Variants in ARHGAP6 observed in about 807,000 individuals in gnomAD.
ARHGAP6 encodes Rho GTPase activating protein 6.
Under a neutral mutation model 55.7 loss-of-function variants are expected in ARHGAP6, and 16 were observed. The observed-to-expected ratio is 0.29, with a 90% CI of 0.19 to 0.44. The LOEUF (loss-of-function observed/expected upper bound fraction) is 0.44. Ranked by LOEUF, ARHGAP6 falls within the 20% of genes least tolerant of loss-of-function variation. The pLI is 1.00. For synonymous variants in ARHGAP6, 382 were observed against 360.9 expected (o/e 1.06, Z -0.66); for missense variants, 698 against 808.9 (o/e 0.86, Z 1.66).
chrX:11,473,323 T>C, intron 1 of ARHGAP6, among the ~76,000 whole-genome samples: 1 of 111,890 alleles, frequency 8.9e-6, no homozygotes, highest in Non-Finnish European at 1.9e-5. Flanking sequence ...ACGGGTTGAA[T>C]TGTGTCTCCC....
chrX:11,427,482 C>A lies in ARHGAP6; in HGVS notation c.589-172775G>T. ...GGGAGCCCCGACTACCATCGCCCCT[C>A]GCAGTCCCCACCCGGAGCGGCCCAG... On this transcript the variant is annotated intron_variant, in intron 1 of 12. Coordinates refer to ENST00000337414, the MANE Select transcript of ARHGAP6 (RefSeq NM_013427.3). 3.2e-6 allele frequency: 3 copies of A among 926,612 alleles called. No homozygotes were observed. The South Asian group carries it at 6.8e-5, about 21-fold the overall frequency. The allele number at this position is 926,612 out of a possible 1,213,427, so 76.4% of individuals were successfully genotyped here. A position where few individuals can be genotyped will look rare whatever the true frequency, so the allele number is the denominator to read the frequency against.
intron 2 of ARHGAP6, among the ~76,000 whole-genome samples, chrX:11,214,710 C>T (rs898355586): frequency 8.8e-6 from 1 of 113,373 alleles, no homozygotes; most frequent in African/African-American, 3.2e-5. Flanking sequence ...GCCCCAGCGG[C>T]CCACCACCCA....
chrX:11,647,258 T>A (rs2189589), intron 1 of ARHGAP6, among the ~76,000 whole-genome samples: 36,748 of 111,400 alleles, frequency 0.33, 4,315 homozygotes, highest in Middle Eastern at 0.39. Context: ...GCACTGTTAA[T>A]AAGAGAGAAG....
At chrX:11,486,387 T>C (rs1237796416) in intron 1 of ARHGAP6, among the ~76,000 whole-genome samples, 1 of 112,512 alleles carries the variant, frequency 8.9e-6, no homozygotes. Flanking sequence ...TCACTCACTT[T>C]TTCATTCGAT....
At chrX:11,567,566 A>AAAAAAAATATATATATATATAT (rs1440758737) in intron 1 of ARHGAP6, among the ~76,000 whole-genome samples, 1 of 84,409 alleles carries the variant, frequency 1.2e-5, no homozygotes, top group African/African-American at 4.7e-5. Context: ...AAAAAAAAAA[A>AAAAAAAATATATATATATATAT]ATATATATAT....
intron 1 of ARHGAP6, among the ~76,000 whole-genome samples, chrX:11,557,385 C>A (rs1443026878): frequency 9.0e-6 from 1 of 111,118 alleles, no homozygotes; most frequent in Non-Finnish European, 1.9e-5. Flanking sequence ...ACAAATGACA[C>A]CAACAGGCTG....
In ARHGAP6 at chrX:11,665,204, G is replaced by C. The variant is rs1389823375; in HGVS notation, c.-376C>G. On this transcript the variant is annotated 5_prime_UTR_variant, in exon 1 of 13. Transcript: ENST00000337414. ...CCCCTTCCTAGCTGAGGCGGGAGAC[G>C]CAGCGCTCCTGCTCGCTGGCTCTGG... is the stretch of plus-strand genomic sequence containing the variant. The C allele has an allele frequency of 6.4e-6, 1 of 156,028 alleles. No individual in the cohort carries two copies. Among genetic ancestry groups the C allele is most frequent in the Non-Finnish European group, 1.2e-5 (1 of 82,118 alleles). 12.9% of individuals were successfully genotyped at this position (156,028 alleles called of 1,213,427 possible).
At chrX:11,173,310 T>G (rs1478519829) in intron 8 of ARHGAP6, among the ~76,000 whole-genome samples, 3 of 112,116 alleles carry the variant, frequency 2.7e-5, no homozygotes, top group Admixed American at 9.4e-5. Flanking sequence ...CCTAGAGGCA[T>G]GTACCTCCTC....
chrX:11,434,666 C>T (rs751899126), intron 1 of ARHGAP6, among the ~76,000 whole-genome samples: 9 of 111,397 alleles, frequency 8.1e-5, no homozygotes, highest in Non-Finnish European at 1.5e-4. Context: ...CCCTCCCCTC[C>T]CCCCGCCAAC....
At chrX:11,416,475 T>C (rs1050685385) in intron 1 of ARHGAP6, among the ~76,000 whole-genome samples, 6 of 111,389 alleles carry the variant, frequency 5.4e-5, no homozygotes, top group South Asian at 3.9e-4. Context: ...TTTTTTAAAA[T>C]AGTGAGCACC....
chrX:11,242,768 C>T (rs1381504749), intron 2 of ARHGAP6, among the ~76,000 whole-genome samples: 1 of 111,438 alleles, frequency 9.0e-6, no homozygotes, highest in African/African-American at 3.3e-5. Context: ...AATAAATATT[C>T]TAGGTGGTTA....
At chrX:11,596,106 T>C (rs2051898954) in intron 1 of ARHGAP6, among the ~76,000 whole-genome samples, 1 of 112,035 alleles carries the variant, frequency 8.9e-6, no homozygotes, top group African/African-American at 3.2e-5. Flanking sequence ...CATTCTACTA[T>C]AAAGACACAT....
At chrX:11,365,470 GA>G (rs2049063387) in intron 1 of ARHGAP6, among the ~76,000 whole-genome samples, 1 of 112,148 alleles carries the variant, frequency 8.9e-6, no homozygotes, top group Non-Finnish European at 1.9e-5. Context: ...AAAAATTCTA[GA>G]GACATAGAAG....
At chrX:11,219,115 C>T (rs1221291955) in intron 2 of ARHGAP6, among the ~76,000 whole-genome samples, 1 of 91,485 alleles carries the variant, frequency 1.1e-5, no homozygotes, top group African/African-American at 4.1e-5. Context: ...TCAATTCCCA[C>T]CTATGAGTGA....
chrX:11,317,949 G>A (rs1200068696), intron 1 of ARHGAP6, among the ~76,000 whole-genome samples: 1 of 111,913 alleles, frequency 8.9e-6, no homozygotes, highest in Non-Finnish European at 1.9e-5. Context: ...CAAATATTAG[G>A]GAAAGTGCCA....
chrX:11,299,428 C>T (rs6654939), intron 1 of ARHGAP6, among the ~76,000 whole-genome samples: 7,215 of 111,464 alleles, frequency 0.065, 318 homozygotes, highest in African/African-American at 0.16. Flanking sequence ...AAAAGGTAGA[C>T]GGGAAATCTC....
intron 1 of ARHGAP6, chrX:11,351,521 G>A: frequency 6.5e-6 from 6 of 917,593 alleles, no homozygotes; most frequent in Non-Finnish European, 8.2e-6. Context: ...AGTGGCGTTG[G>A]AAGTGATTAG....
intron 1 of ARHGAP6, among the ~76,000 whole-genome samples, chrX:11,634,299 C>T (rs973033399): frequency 6.3e-5 from 7 of 111,535 alleles, no homozygotes; most frequent in Non-Finnish European, 9.4e-5. Flanking sequence ...ATTAAAATCA[C>T]AAAGAGATAC....
chrX:11,366,430 A>G (rs1240338987), intron 1 of ARHGAP6, among the ~76,000 whole-genome samples: 5 of 112,343 alleles, frequency 4.5e-5, no homozygotes, highest in Non-Finnish European at 9.4e-5. Context: ...AAATTATTGC[A>G]ATGTTTTAAG....
Sources: allele counts gnomAD v4.1 joint callset (sites outside exome capture counted in the v4.1 genomes callset), GRCh38; gene constraint gnomAD v4.1.1; transcripts MANE v1.5; gene names NCBI Gene and HGNC (gene_info 2026-07-23, HGNC 2026-07-21).